SYNE2: variants seen among roughly 807,000 people sequenced by gnomAD.
SYNE2 encodes the protein spectrin repeat containing nuclear envelope protein 2.
A neutral mutation model predicts 856.3 loss-of-function variants in SYNE2; 431 were observed. The observed-to-expected ratio is 0.50, with a 90% CI of 0.47 to 0.55. The LOEUF is 0.55. Among genes scored for constraint, SYNE2 ranks in the 20% least tolerant of loss-of-function variants. The pLI is 0.00. For missense variants in SYNE2, 8,129 were observed against 8,023.2 expected (o/e 1.01, Z -0.50); for synonymous variants, 2,923 against 2,872.3 (o/e 1.02, Z -0.56).
At chr14:64,012,944 A>C (rs2096858230) in intron 32 of SYNE2, among the ~76,000 whole-genome samples, 2 of 152,246 alleles carry the variant, frequency 1.3e-5, no homozygotes, top group Non-Finnish European at 1.5e-5. Context: ...TTGTCCTTCA[A>C]AACTGTAGTA....
rs1183777905 is a variant in SYNE2 at position 64,052,601 on chromosome 14, G to A, written c.8688G>A (p.Gln2896=). The A allele has an allele frequency of 2.5e-6, 4 of 1,614,070 alleles. No individual in the cohort carries two copies. The South Asian group carries it at 3.3e-5, about 13-fold the overall frequency. The change falls in exon 48 of 116, where the codon CAG becomes CAA. Residue 2896 remains glutamine (Q), a synonymous_variant. Transcript: ENST00000555002. ...ACAGTGGAATCTCAACACATCTTCAGGAGCTAACAAACATCTATGAGGAGC... is the reference window on the plus strand; with the variant it reads ...ACAGTGGAATCTCAACACATCTTCAAGAGCTAACAAACATCTATGAGGAGC... ...EIDSGISTHL[Q]ELTNIYEELN...
intron 8 of SYNE2, among the ~76,000 whole-genome samples, chr14:63,956,904 C>T (rs910944697): frequency 2.6e-5 from 4 of 152,156 alleles, no homozygotes; most frequent in African/African-American, 9.7e-5. Context: ...CACCACAGTT[C>T]ATTTTAGAAC....
intron 94 of SYNE2, chr14:64,174,084 TTC>T: frequency 1.9e-6 from 1 of 519,460 alleles, no homozygotes; most frequent in Non-Finnish European, 3.4e-6. Flanking sequence ...TTTTTTTTTT[TTC>T]CTTGAGACAA....
chr14:64,131,538 A>G (rs988566810), intron 76 of SYNE2, among the ~76,000 whole-genome samples: 3 of 152,200 alleles, frequency 2.0e-5, no homozygotes, highest in African/African-American at 7.2e-5. Flanking sequence ...CTTGAAATTC[A>G]TCAGCCACAG....
chr14:63,871,571 A>C (rs2140391589), intron 1 of SYNE2, among the ~76,000 whole-genome samples: 1 of 150,902 alleles, frequency 6.6e-6, no homozygotes. Flanking sequence ...TAGTATGAAA[A>C]CCATTATCTA....
intron 78 of SYNE2, 152 bp downstream of exon 78, chr14:64,134,352 G>T: frequency 1.1e-6 from 1 of 901,684 alleles, no homozygotes; most frequent in African/African-American, 1.6e-5. Context: ...GGAGACTACA[G>T]ATTTGAATGT....
intron 1 of SYNE2, among the ~76,000 whole-genome samples, chr14:63,866,644 T>C (rs2140285184): frequency 6.6e-6 from 1 of 152,178 alleles, no homozygotes; most frequent in African/African-American, 2.4e-5. Context: ...TGATCAAAAT[T>C]GTAAGTTCTG....
At chr14:64,106,675 A>G (rs1490225785) in intron 64 of SYNE2, among the ~76,000 whole-genome samples, 3 of 152,220 alleles carry the variant, frequency 2.0e-5, no homozygotes, top group Non-Finnish European at 4.4e-5. Context: ...ACTATGTGTA[A>G]TAGTTATCCC....
intron 65 of SYNE2, among the ~76,000 whole-genome samples, chr14:64,111,121 T>C (rs1232609532): frequency 1.3e-5 from 2 of 151,786 alleles, no homozygotes; most frequent in Non-Finnish European, 2.9e-5. Context: ...ATCCCAGCAC[T>C]TTGAGAGGCC....
rs2096765391 is a variant in SYNE2, at chr14:64,002,775, C to T, written c.3842C>T (p.Pro1281Leu). 2 of 1,613,762 alleles carry T rather than the reference C, an allele frequency of 1.2e-6. No individual in the cohort carries two copies. Among genetic ancestry groups the T allele is most frequent in the African/African-American group, 1.3e-5 (1 of 74,880 alleles). ...QIEICNRLEE[P>L]GNFVLKELHP... The stretch of plus-strand genomic sequence containing the variant: ...GAAATATGTAACCGCTTAGAAGAGC[C>T]AGGCAACTTTGTATTAAAGGAGTTA... The change falls in exon 30 of 116, where the codon CCA (proline) becomes CTA (leucine). Residue 1281 changes from proline (P) to leucine (L), a missense_variant. This residue lies in a region of SYNE2 where 2,422 missense variants were observed against 2,357.4 expected (regional missense o/e 1.03). Transcript: ENST00000555002.
chr14:64,040,296 C>T (rs1172349357), intron 45 of SYNE2, among the ~76,000 whole-genome samples: 1 of 151,944 alleles, frequency 6.6e-6, no homozygotes, highest in Non-Finnish European at 1.5e-5. Flanking sequence ...GATAATGCAG[C>T]AATCTGAAAG....
At chr14:64,192,642 C>A (rs1167835458) in intron 99 of SYNE2, among the ~76,000 whole-genome samples, 1 of 152,162 alleles carries the variant, frequency 6.6e-6, no homozygotes, top group African/African-American at 2.4e-5. Flanking sequence ...TTCACTTAAA[C>A]TTCACTGTGA....
intron 1 of SYNE2, among the ~76,000 whole-genome samples, chr14:63,840,896 C>A (rs1890046052): frequency 6.6e-6 from 1 of 152,020 alleles, no homozygotes; most frequent in African/African-American, 2.4e-5. Context: ...TGCCTGTAAT[C>A]CCAGCTACTC....
chr14:63,798,757 T>C (rs1347969681), intron 1 of SYNE2, among the ~76,000 whole-genome samples: 2 of 152,148 alleles, frequency 1.3e-5, no homozygotes, highest in Non-Finnish European at 2.9e-5. Flanking sequence ...CTAAGAGATA[T>C]TATTTCACTA....
rs954753393 is a variant in SYNE2 at position 63,815,314 on chromosome 14, G to T, written c.-304-37187G>T. 9.4e-5 allele frequency among the ~76,000 whole-genome samples: 14 copies of T among 148,342 alleles called. No individual in the cohort carries two copies. In the South Asian group the frequency reaches 1.9e-3, roughly 20 times the overall value. ...AGGATCACAAGTTCCCATATAGGCC[G>T]TCTGCAAGCTGAGGAGCAAGGAAGC... On this transcript the variant is annotated intron_variant, in intron 1 of 23. Coordinates refer to the SYNE2 transcript ENST00000674003.
intron 27 of SYNE2, among the ~76,000 whole-genome samples, chr14:63,999,824 C>T (rs1422186913): frequency 1.3e-5 from 2 of 152,188 alleles, no homozygotes; most frequent in African/African-American, 4.8e-5. Flanking sequence ...TACCAGGTCT[C>T]AGTCACTCCA....
chr14:63,896,323 T>C (rs1267698012), intron 1 of SYNE2, among the ~76,000 whole-genome samples: 2 of 152,194 alleles, frequency 1.3e-5, no homozygotes, highest in Non-Finnish European at 2.9e-5. Context: ...TCCTATCATA[T>C]CCTGCATAGT....
intron 11 of SYNE2, among the ~76,000 whole-genome samples, chr14:63,974,892 G>GTGTATATATATATATATATATATA (rs1375697679): frequency 4.6e-4 from 31 of 67,300 alleles, no homozygotes; most frequent in Admixed American, 7.1e-4. Context: ...GTGTGTGTGT[G>GTGTATATATATATATATATATATA]TATATATATA....
At position 63,974,890 on chromosome 14, in the gene SYNE2, G is replaced by GTATATA. The variant is rs1281921502; in HGVS notation, c.1129-1672_1129-1671insATATAT. ...TGTGTGTGTGTGTGTGTGTGTGTGT[G>GTATATA]TGTATATATATATATATATATATAT... On this transcript the variant is annotated intron_variant, in intron 11 of 115. Coordinates refer to ENST00000555002, the MANE Select transcript of SYNE2 (RefSeq NM_182914.3). 2.4e-3 allele frequency among the ~76,000 whole-genome samples: 65 copies of GTATATA among 27,490 alleles called. 2 individuals are homozygous for GTATATA. The highest frequency in any genetic ancestry group is 0.016 in the South Asian group (7 of 442). 18.0% of individuals were successfully genotyped at this position (27,490 alleles called of 152,430 possible). A position where few individuals can be genotyped will look rare whatever the true frequency, so the allele number is the denominator to read the frequency against.
Sources: gnomAD v4.1 joint callset for allele counts (sites outside exome capture counted in the v4.1 genomes callset) on GRCh38, gnomAD v4.1.1 for gene constraint, gnomAD v4.1.1 regional missense constraint, MANE v1.5 for transcripts, NCBI Gene and HGNC (gene_info 2026-07-23, HGNC 2026-07-21) for gene names.